The following GSK3A variants were observed in gnomAD, a reference collection of about 807,000 sequenced individuals.
GSK3A encodes the protein glycogen synthase kinase-3 alpha.
Under a neutral mutation model 56.6 loss-of-function variants are expected in GSK3A, and 14 were observed. That is an observed-to-expected ratio of 0.25 (90% CI 0.16 to 0.39). The LOEUF is 0.39. Among genes scored for constraint, GSK3A ranks in the 10% least tolerant of loss-of-function variants. The pLI, the probability that GSK3A is intolerant of heterozygous loss-of-function variation, is 1.00. For missense variants in GSK3A, 450 were observed against 656.0 expected (o/e 0.69, Z 3.43); for synonymous variants, 301 against 285.0 (o/e 1.06, Z -0.56).
chr19:42,238,540 G>T (rs2036272252), intron 2 of GSK3A, among the ~76,000 whole-genome samples: 2 of 149,514 alleles, frequency 1.3e-5, no homozygotes, highest in Non-Finnish European at 3.0e-5. Flanking sequence ...CCGGCAGGCG[G>T]AGGTTGCAGT....
chr19:42,232,193 G>T (rs759379488), intron 9 of GSK3A, 44 bp from the exon 10 acceptor site: 3 of 1,201,774 alleles, frequency 2.5e-6, no homozygotes, highest in Admixed American at 3.9e-5. Flanking sequence ...GACTACAGCA[G>T]GGTTATGATG....
At chr19:42,242,111 A>G in intron 1 of GSK3A, 72 bp downstream of exon 1, 2 of 1,241,802 alleles carry the variant, frequency 1.6e-6, no homozygotes, top group Non-Finnish European at 2.0e-6. Flanking sequence ...AGCACATGAA[A>G]GAATCTGATG....
chr19:42,234,172 C>T lies in GSK3A; in HGVS notation c.904+181G>A, dbSNP rs957607549. Among the ~76,000 whole-genome samples the T allele has an allele frequency of 6.6e-6, 1 of 152,164 alleles. No homozygotes were observed. The highest frequency in any genetic ancestry group is 6.6e-5 in the Admixed American group (1 of 15,264). On this transcript the variant is annotated intron_variant, in intron 6 of 10. Transcript: ENST00000222330. The surrounding 1 kb of genome is among the most constrained non-coding windows in gnomAD (Gnocchi z 5.7). Reference sequence around the variant, plus strand: ...TAGTGGTGCCAGTGCGGGCAGGCGGCCTCACAGCTCTAAGCTCATCTGTAA... The same window carrying T: ...TAGTGGTGCCAGTGCGGGCAGGCGGTCTCACAGCTCTAAGCTCATCTGTAA...
rs2146941569 is a variant in GSK3A at position 42,242,587 on chromosome 19, C to T, written c.-122G>A. 1 of 840,016 alleles carries T rather than the reference C, an allele frequency of 1.2e-6. No individual in the cohort carries two copies. 52.0% of individuals were successfully genotyped at this position (840,016 alleles called of 1,614,324 possible). The stretch of plus-strand genomic sequence containing the variant: ...AGGCCGCGCCGCTCTGGCTTGGGCT[C>T]CGGCTCCGGCCCAGCGCCCGCCGCG... On this transcript the variant is annotated 5_prime_UTR_variant, in exon 1 of 11. Coordinates refer to ENST00000222330, the MANE Select transcript of GSK3A (RefSeq NM_019884.3).
At chr19:42,230,914 C>T (rs1216671761) in intron 10 of GSK3A, 47 bp from the exon 11 acceptor site, 3 of 1,271,414 alleles carry the variant, frequency 2.4e-6, no homozygotes, top group Admixed American at 2.0e-5. Context: ...GCCTTTCAGA[C>T]ACCCCTTCGC....
At chr19:42,231,857 T>G (rs1461288627) in intron 10 of GSK3A, among the ~76,000 whole-genome samples, 200 bp downstream of exon 10, 1 of 152,214 alleles carries the variant, frequency 6.6e-6, no homozygotes, top group Non-Finnish European at 1.5e-5. Flanking sequence ...GCTTTCCCAT[T>G]GGCATTAAAC....
At chr19:42,241,656 A>G (rs1568467296) in intron 1 of GSK3A, 1 of 152,258 alleles carries the variant, frequency 6.6e-6, no homozygotes, top group Non-Finnish European at 1.5e-5. Context: ...AGGGAAGATG[A>G]TCTGAGTACC....
chr19:42,241,937 T>C lies in GSK3A; in HGVS notation c.283+246A>G, dbSNP rs1010721137. The C allele has an allele frequency of 5.5e-5, 21 of 381,926 alleles. No individual in the cohort carries two copies. In the Admixed American group the frequency reaches 6.4e-4, roughly 12 times the overall value. The allele number at this position is 381,926 out of a possible 1,614,324, so 23.7% of individuals were successfully genotyped here. ...GCTCAAGGACCCAAGACCTCAATAA[T>C]GGAAGAACAGAGACTTGTAACCCGT... is the stretch of plus-strand genomic sequence containing the variant. On this transcript the variant is annotated intron_variant, in intron 1 of 10. Transcript: ENST00000222330.
Position 42,242,600 on chromosome 19 carries a change from A to G in GSK3A, c.-135T>C. On this transcript the variant is annotated 5_prime_UTR_variant, in exon 1 of 11. Transcript: ENST00000222330. The stretch of plus-strand genomic sequence containing the variant: ...CTGGCTTGGGCTCCGGCTCCGGCCC[A>G]GCGCCCGCCGCGGGGCACGCCGGGA... The G allele has an allele frequency of 1.4e-6, 1 of 729,644 alleles. No homozygotes were observed. Among genetic ancestry groups the G allele is most frequent in the Non-Finnish European group, 1.9e-6 (1 of 531,940 alleles). The allele number at this position is 729,644 out of a possible 1,614,324, so 45.2% of individuals were successfully genotyped here. A position where few individuals can be genotyped will look rare whatever the true frequency, so the allele number is the denominator to read the frequency against.
chr19:42,236,579 G>C (rs751793998), intron 4 of GSK3A, 27 bp downstream of exon 4: 1 of 1,392,360 alleles, frequency 7.2e-7, no homozygotes, highest in South Asian at 1.2e-5. Context: ...GTGGGCCTGG[G>C]TCCCAGCAGC....
Position 42,239,939 on chromosome 19 carries a change from A to G in GSK3A, c.471+16T>C. 3 of 1,611,440 alleles carry G rather than the reference A, an allele frequency of 1.9e-6. No homozygotes were observed. The highest frequency in any genetic ancestry group is 2.5e-6 in the Non-Finnish European group (3 of 1,177,902). On this transcript the variant is annotated intron_variant, in intron 2 of 10. Coordinates refer to ENST00000222330, the MANE Select transcript of GSK3A (RefSeq NM_019884.3). ...CCAGTCCCCAAACCTCCCTGTCCCC[A>G]TCCCGCCCAAGCTACCTTGAACCTC...
At chr19:42,236,343 G>A (rs999586741) in intron 4 of GSK3A, among the ~76,000 whole-genome samples, 2 of 152,140 alleles carry the variant, frequency 1.3e-5, no homozygotes, top group African/African-American at 4.8e-5. Flanking sequence ...TGGACTCCCT[G>A]TATGGACCTG....
At chr19:42,233,582 G>A (rs2036238690) in intron 6 of GSK3A, among the ~76,000 whole-genome samples, 199 bp from the exon 7 acceptor site, 1 of 152,172 alleles carries the variant, frequency 6.6e-6, no homozygotes. Flanking sequence ...TAGTCTAGGT[G>A]TGTTTCCAGC....
In GSK3A at chr19:42,232,702, CTCA is replaced by C; in HGVS notation, c.1099-23_1099-21del. ...GAACACCTGAGGGATGGGTGCAGGG[CTCA>C]TGAGGGTGAGATGCCCTGGACACTG... is the stretch of plus-strand genomic sequence containing the variant. On this transcript the variant is annotated intron_variant, in intron 8 of 10. Coordinates refer to ENST00000222330, the MANE Select transcript of GSK3A (RefSeq NM_019884.3). 1 of 1,538,624 alleles carries C rather than the reference CTCA, an allele frequency of 6.5e-7. No individual in the cohort carries two copies. Among genetic ancestry groups the C allele is most frequent in the African/African-American group, 1.4e-5 (1 of 73,010 alleles).
chr19:42,231,025 C>G (rs74259566), intron 10 of GSK3A, among the ~76,000 whole-genome samples, 158 bp from the exon 11 acceptor site: 15,968 of 152,190 alleles, frequency 0.1, 934 homozygotes, highest in South Asian at 0.18. Context: ...TAAAGGGCCA[C>G]GATAGTAACT....
chr19:42,232,600 G>A lies in GSK3A; in HGVS notation c.1181C>T (p.Pro394Leu). The A allele has an allele frequency of 6.2e-7, 1 of 1,613,904 alleles. No homozygotes were observed. Among genetic ancestry groups the A allele is most frequent in the Non-Finnish European group, 8.5e-7 (1 of 1,179,816 alleles). ...LEYTPSSRLS[P>L]LEACAHSFFD... The stretch of plus-strand genomic sequence containing the variant: ...GAAGCTGTGCGCACAGGCCTCTAGT[G>A]GGGAGAGCCTTGAGGATGGGGTGTA... Residue 394 changes from proline (P) to leucine (L), a missense_variant, in exon 9 of 11, where the codon CCA (proline) becomes CTA (leucine). Transcript: ENST00000222330.
chr19:42,236,061 G>T (rs1402720089), intron 4 of GSK3A, among the ~76,000 whole-genome samples: 2 of 150,008 alleles, frequency 1.3e-5, no homozygotes, highest in Non-Finnish European at 3.0e-5. Flanking sequence ...TCCCTGGGCT[G>T]CAATCATTCA....
rs565549697 is a variant in GSK3A, at chr19:42,234,998, A to G, written c.667-320T>C. ...AAAAATTAGCCGGGCGTGGTGGTGC[A>G]CACCTGTAATCCCAGCTACTCGGGA... On this transcript the variant is annotated intron_variant, in intron 4 of 10. Transcript: ENST00000222330. This position sits in a 1 kb window ranked among gnomAD's most constrained non-coding sequence, Gnocchi z 5.7. Among the ~76,000 whole-genome samples the G allele has an allele frequency of 1.1e-4, 16 of 152,262 alleles. No individual in the cohort carries two copies. In the East Asian group the frequency reaches 2.7e-3, roughly 26 times the overall value.
chr19:42,233,771 G>C (rs2036240011), intron 6 of GSK3A, among the ~76,000 whole-genome samples: 1 of 152,132 alleles, frequency 6.6e-6, no homozygotes, highest in African/African-American at 2.4e-5. Flanking sequence ...TCCTGCCCAT[G>C]AGAAGAGCTG....
Sources: allele counts gnomAD v4.1 joint callset (sites outside exome capture counted in the v4.1 genomes callset), GRCh38; gene constraint gnomAD v4.1.1; non-coding constraint Gnocchi (gnomAD v3.1); transcripts MANE v1.5; gene names NCBI Gene and HGNC (gene_info 2026-07-23, HGNC 2026-07-21).